The following ATF6 variants were observed in gnomAD, a reference collection of about 807,000 sequenced individuals.
The protein encoded by ATF6 is cyclic AMP-dependent transcription factor ATF-6 alpha.
ATF6 carries 53 observed loss-of-function variants against 83.6 expected under a neutral mutation model. The ratio of observed to expected loss-of-function variants is 0.63; its 90% CI spans 0.51 to 0.80. ATF6 has a LOEUF of 0.80. ATF6 is among the 30% of genes least tolerant of loss of function. ATF6 has a pLI of 0.00. For missense variants in ATF6, 744 were observed against 797.9 expected (o/e 0.93, Z 0.81); for synonymous variants, 288 against 285.8 (o/e 1.01, Z -0.08).
chr1:161,911,329 GA>G (rs1338867517), intron 14 of ATF6, among the ~76,000 whole-genome samples: 1 of 152,134 alleles, frequency 6.6e-6, no homozygotes, highest in African/African-American at 2.4e-5. Context: ...TTGCTAGGAA[GA>G]AGAGGAGTTA....
intron 7 of ATF6, among the ~76,000 whole-genome samples, chr1:161,817,370 A>G (rs774978090): frequency 2.6e-5 from 4 of 152,166 alleles, no homozygotes; most frequent in Non-Finnish European, 5.9e-5. Context: ...TCTAGTATTA[A>G]TTATGGACAC....
chr1:161,829,934 G>A (rs1269658751), intron 9 of ATF6, among the ~76,000 whole-genome samples: 2 of 152,026 alleles, frequency 1.3e-5, no homozygotes, highest in South Asian at 2.1e-4. Flanking sequence ...ATTCAACATA[G>A]TGTTGGAAGT....
intron 7 of ATF6, among the ~76,000 whole-genome samples, chr1:161,805,291 CA>C (rs1296443200): frequency 6.6e-6 from 1 of 151,890 alleles, no homozygotes; most frequent in African/African-American, 2.4e-5. Flanking sequence ...CTTAAGAGTA[CA>C]AAAGCCAAAC....
chr1:161,780,122 G>A (rs1571122065), intron 2 of ATF6, among the ~76,000 whole-genome samples: 1 of 151,930 alleles, frequency 6.6e-6, no homozygotes, highest in Admixed American at 6.6e-5. Flanking sequence ...GTTTTTTTAT[G>A]ATTTAAATAC....
At chr1:161,782,180 G>A (rs1684647919) in intron 3 of ATF6, among the ~76,000 whole-genome samples, 181 bp downstream of exon 3, 1 of 152,230 alleles carries the variant, frequency 6.6e-6, no homozygotes, top group South Asian at 2.1e-4. Flanking sequence ...AAATGGATAT[G>A]AGGAGTTTCA....
rs768048617 is a variant in ATF6 at position 161,792,303 on chromosome 1, A to G, written c.664A>G (p.Ser222Gly). Residue 222 changes from serine to glycine, a missense_variant, in exon 6 of 16, where the codon AGT becomes GGT. By Grantham distance (56) the Ser-to-Gly change is moderately conservative (BLOSUM62 0). Coordinates refer to ENST00000367942, the MANE Select transcript of ATF6 (RefSeq NM_007348.4). ...ATTGGCAAAGCAGCAACCAATTATC[A>G]GTTTACAACCTGCACCCACTAAAGG... ...MPLAKQQPII[S>G]LQPAPTKGQT... 6 of 1,613,960 alleles carry G rather than the reference A, an allele frequency of 3.7e-6. No individual in the cohort carries two copies. The South Asian group carries it at 6.6e-5, about 18-fold the overall frequency.
intron 7 of ATF6, among the ~76,000 whole-genome samples, chr1:161,812,798 G>GTA (rs1312957634): frequency 6.6e-5 from 10 of 151,740 alleles, no homozygotes; most frequent in Admixed American, 2.0e-4. Flanking sequence ...GTGTGTGTGT[G>GTA]TGTGTGTGTG....
In ATF6 at chr1:161,853,224, G is replaced by A. The variant is rs759278815; in HGVS notation, c.1434G>A (p.Arg478=). ...TAATTAATTAAACTATATTTTATAGGTTAAATCATGAACTTCGAGGATGGG... is the reference window on the plus strand; with the variant it reads ...TAATTAATTAAACTATATTTTATAGATTAAATCATGAACTTCGAGGATGGG... The part of the protein sequence containing the change: ...QPLINTTESL[R]LNHELRGWVH... Residue 478 remains arginine (R), a splice_region_variant and synonymous_variant, in exon 12 of 16, where the codon AGG becomes AGA. Transcript: ENST00000367942. The A allele has an allele frequency of 6.3e-7, 1 of 1,583,822 alleles. No individual in the cohort carries two copies. The highest frequency in any genetic ancestry group is 2.3e-5 in the East Asian group (1 of 44,170).
At chr1:161,836,978 G>A (rs1262218934) in intron 9 of ATF6, among the ~76,000 whole-genome samples, 1 of 152,194 alleles carries the variant, frequency 6.6e-6, no homozygotes, top group Non-Finnish European at 1.5e-5. Context: ...ACTTCGATAT[G>A]TTCTTCAGAC....
chr1:161,864,598 A>G (rs1168225570), intron 14 of ATF6, among the ~76,000 whole-genome samples: 1 of 152,210 alleles, frequency 6.6e-6, no homozygotes, highest in Non-Finnish European at 1.5e-5. Flanking sequence ...GAGATCAAAC[A>G]TCTTATATAT....
At position 161,783,928 on chromosome 1, in the gene ATF6, T is replaced by C. The variant is rs188434729; in HGVS notation, c.248-62T>C. Reference sequence around the variant, plus strand: ...TAAAAGTAGATTTTACCTTCTTTCTTGTTCATTTTATTATAAGTTTTTATT... The same window carrying C: ...TAAAAGTAGATTTTACCTTCTTTCTCGTTCATTTTATTATAAGTTTTTATT... On this transcript the variant is annotated intron_variant, in intron 3 of 15. Coordinates refer to ENST00000367942, the MANE Select transcript of ATF6 (RefSeq NM_007348.4). The C allele has an allele frequency of 8.3e-4, 985 of 1,183,556 alleles. 8 individuals carry two copies. In the African/African-American group the frequency reaches 0.014, roughly 16 times the overall value. 73.3% of individuals were successfully genotyped at this position (1,183,556 alleles called of 1,614,324 possible).
intron 15 of ATF6, among the ~76,000 whole-genome samples, chr1:161,920,742 A>G (rs1425330310): frequency 6.6e-6 from 1 of 152,172 alleles, no homozygotes; most frequent in Admixed American, 6.5e-5. Flanking sequence ...AGATGATCAC[A>G]AAGTGACTGT....
chr1:161,886,381 AC>A (rs1288728491), intron 14 of ATF6, among the ~76,000 whole-genome samples: 1 of 152,212 alleles, frequency 6.6e-6, no homozygotes, highest in Admixed American at 6.5e-5. Context: ...ACATATAAAA[AC>A]TAAATTCTAG....
At chr1:161,815,732 C>T (rs1005229698) in intron 7 of ATF6, among the ~76,000 whole-genome samples, 15 of 151,994 alleles carry the variant, frequency 9.9e-5, no homozygotes, top group African/African-American at 3.6e-4. Context: ...TGTTTGAGCC[C>T]AGGAGTTCAA....
At position 161,783,167 on chromosome 1, in the gene ATF6, C is replaced by T. The variant is rs894960480; in HGVS notation, c.248-823C>T. Among the ~76,000 whole-genome samples, 3 of 152,156 alleles carry T rather than the reference C, an allele frequency of 2.0e-5. No individual in the cohort carries two copies. In the South Asian group the frequency reaches 6.2e-4, roughly 32 times the overall value. On this transcript the variant is annotated intron_variant, in intron 3 of 15. Coordinates refer to ENST00000367942, the MANE Select transcript of ATF6 (RefSeq NM_007348.4). The stretch of plus-strand genomic sequence containing the variant: ...GGCTCCAAGTATGAGTGTTCCAGCA[C>T]ACAAAGCAGAGGCTGCATTTCCAGC...
chr1:161,838,633 T>G (rs1686279712), intron 9 of ATF6, among the ~76,000 whole-genome samples: 1 of 152,176 alleles, frequency 6.6e-6, no homozygotes, highest in Admixed American at 6.6e-5. Context: ...TCCTCACAGT[T>G]TAGTGTCTGG....
At chr1:161,817,734 G>T (rs1685648009) in intron 7 of ATF6, among the ~76,000 whole-genome samples, 1 of 152,148 alleles carries the variant, frequency 6.6e-6, no homozygotes, top group Non-Finnish European at 1.5e-5. Flanking sequence ...AGATCACTTG[G>T]TTGGCTTTGG....
intron 14 of ATF6, among the ~76,000 whole-genome samples, chr1:161,888,766 A>G (rs746983546): frequency 6.6e-6 from 1 of 152,032 alleles, no homozygotes; most frequent in African/African-American, 2.4e-5. Context: ...TCCATCCTTC[A>G]TATCATCCAT....
rs1686681476 is a variant in ATF6, at chr1:161,853,321, C to G, written c.1531C>G (p.Gln511Glu). 1.2e-6 allele frequency: 2 copies of G among 1,609,080 alleles called. No homozygotes were observed. The highest frequency in any genetic ancestry group is 8.5e-7 in the Non-Finnish European group (1 of 1,175,948). The change falls in exon 12 of 16, where the codon CAG becomes GAG. Residue 511 changes from glutamine to glutamate, a missense_variant and splice_region_variant. Physicochemically the swap from Gln to Glu is conservative, Grantham distance 29 (BLOSUM62 2). Coordinates refer to ENST00000367942, the MANE Select transcript of ATF6 (RefSeq NM_007348.4). ...TAATCAACAGAAAACCCGTATTCTT[C>G]AGGTATGTTTCTGTTTGTCTTTGAA... Reference protein sequence around the residue: ...TNNQQKTRILQGALEQGSNSQ... With the variant: ...TNNQQKTRILEGALEQGSNSQ...
Sources: gnomAD v4.1 joint callset for allele counts (sites outside exome capture counted in the v4.1 genomes callset) on GRCh38, gnomAD v4.1.1 for gene constraint, MANE v1.5 for transcripts, NCBI Gene and HGNC (gene_info 2026-07-23, HGNC 2026-07-21) for gene names.